Variants in RFX3 observed in about 807,000 individuals in gnomAD.
The protein encoded by RFX3 is regulatory factor X3.
RFX3 carries 14 observed loss-of-function variants against 98.6 expected under a neutral mutation model. The observed-to-expected ratio is 0.14, with a 90% CI of 0.09 to 0.22. RFX3 has a LOEUF of 0.22. Among genes scored for constraint, RFX3 ranks in the 10% least tolerant of loss-of-function variants. RFX3 has a pLI of 1.00. For missense variants in RFX3, 639 were observed against 926.9 expected, an observed-to-expected ratio of 0.69 and a Z score of 4.03; for synonymous variants, 383 against 328.4, an observed-to-expected ratio of 1.17 and a Z score of -1.80.
chr9:3,512,081 C>T (rs1209354368), intron 1 of RFX3, among the ~76,000 whole-genome samples: 2 of 151,772 alleles, frequency 1.3e-5, no homozygotes, highest in Non-Finnish European at 2.9e-5. Context: ...TTAACATGTA[C>T]CCATAAAAAC....
intron 2 of RFX3, among the ~76,000 whole-genome samples, chr9:3,394,279 T>TG (rs1449356924): frequency 1.3e-5 from 2 of 152,050 alleles, no homozygotes; most frequent in Non-Finnish European, 2.9e-5. Context: ...CTGGCTAACA[T>TG]GGTGAAACCC....
At chr9:3,465,723 T>C (rs990914188) in intron 1 of RFX3, among the ~76,000 whole-genome samples, 3 of 152,100 alleles carry the variant, frequency 2.0e-5, no homozygotes, top group Admixed American at 6.5e-5. Flanking sequence ...AGAGAAGGTA[T>C]GCAAACAGGG....
At chr9:3,266,107 C>A in intron 12 of RFX3, 101 bp downstream of exon 12, 1 of 611,600 alleles carries the variant, frequency 1.6e-6, no homozygotes, top group Non-Finnish European at 2.7e-6. Context: ...ATGTTATAAC[C>A]TCAACATTTT....
chr9:3,475,767 C>T (rs1254425339), intron 1 of RFX3, among the ~76,000 whole-genome samples: 1 of 152,166 alleles, frequency 6.6e-6, no homozygotes, highest in Non-Finnish European at 1.5e-5. Context: ...ACAGTCAGGC[C>T]TCCAGATAAC....
chr9:3,390,711 GCT>G (rs1840223231), intron 2 of RFX3, among the ~76,000 whole-genome samples: 2 of 152,014 alleles, frequency 1.3e-5, no homozygotes, highest in South Asian at 4.1e-4. Context: ...CCCTGCACAA[GCT>G]CTCTCTCTTT....
chr9:3,275,634 A>G, intron 8 of RFX3, 22 bp from the exon 9 acceptor site: 1 of 1,457,386 alleles, frequency 6.9e-7, no homozygotes, highest in Admixed American at 1.7e-5. Flanking sequence ...ACAACAGAAC[A>G]GAAAAAAGCT....
At chr9:3,382,764 C>G (rs1273451774) in intron 2 of RFX3, among the ~76,000 whole-genome samples, 2 of 152,062 alleles carry the variant, frequency 1.3e-5, no homozygotes, top group Middle Eastern at 3.4e-3. Context: ...TAGTAATTTT[C>G]AGGACAAGAG....
rs554186483 is a variant in RFX3, at chr9:3,358,280, A to G, written c.118-11516T>C. 2.8e-4 allele frequency among the ~76,000 whole-genome samples: 42 copies of G among 152,284 alleles called. No individual in the cohort carries two copies. In the South Asian group the frequency reaches 8.3e-3, roughly 30 times the overall value. On this transcript the variant is annotated intron_variant, in intron 2 of 16. Transcript: ENST00000617270. ...TGAATAACTGGTAAAATTATGAAAT[A>G]CTTCATAAACAAGAGTCTTGTCTTT...
rs1308095981 is a variant in RFX3, at chr9:3,222,102, T to A, written c.*2940A>T. ...TCAATTTGCTCAAATGTATAAATTG[T>A]TTTTATTTTCTTATATATTTTTCAC... On this transcript the variant is annotated 3_prime_UTR_variant, in exon 17 of 17. Coordinates refer to ENST00000617270, the MANE Select transcript of RFX3 (RefSeq NM_001282116.2). 3 of 152,160 alleles carry A rather than the reference T, an allele frequency of 2.0e-5. No individual in the cohort carries two copies. Among genetic ancestry groups the A allele is most frequent in the Non-Finnish European group, 4.4e-5 (3 of 67,992 alleles). 9.4% of individuals were successfully genotyped at this position (152,160 alleles called of 1,614,324 possible).
At chr9:3,465,905 A>G (rs568757807) in intron 1 of RFX3, among the ~76,000 whole-genome samples, 8 of 152,192 alleles carry the variant, frequency 5.3e-5, no homozygotes, top group Non-Finnish European at 8.8e-5. Flanking sequence ...GAAGGACAGC[A>G]TTCTTAGCAG....
Position 3,525,840 on chromosome 9 carries a change from G to GTAGT in RFX3, c.-106_-103dup. ...GAAGAGGAGGAGGAGGAGGAGAGGA[G>GTAGT]TAGTTGTTGTTGATGGGTAACAGTC... On this transcript the variant is annotated 5_prime_UTR_variant, in exon 1 of 17. Transcript: ENST00000617270. 1 of 978,754 alleles carries GTAGT rather than the reference G, an allele frequency of 1.0e-6. No homozygotes were observed. The highest frequency in any genetic ancestry group is 1.2e-6 in the Non-Finnish European group (1 of 823,206). 60.6% of individuals were successfully genotyped at this position (978,754 alleles called of 1,614,324 possible). A position where few individuals can be genotyped will look rare whatever the true frequency, so the allele number is the denominator to read the frequency against.
chr9:3,242,516 T>A (rs557996593), intron 15 of RFX3, among the ~76,000 whole-genome samples: 54 of 152,286 alleles, frequency 3.5e-4, no homozygotes, highest in African/African-American at 1.2e-3. Flanking sequence ...TATTCCCTAG[T>A]CACACTAGCA....
intron 15 of RFX3, among the ~76,000 whole-genome samples, chr9:3,231,955 C>T (rs992833993): frequency 6.6e-6 from 1 of 151,920 alleles, no homozygotes; most frequent in African/African-American, 2.4e-5. Context: ...ATCACTTGAA[C>T]CTGGGAGGCG....
intron 5 of RFX3, among the ~76,000 whole-genome samples, chr9:3,294,591 C>G (rs946848198): frequency 2.6e-5 from 4 of 151,990 alleles, no homozygotes; most frequent in African/African-American, 9.7e-5. Context: ...AACTTAGAAC[C>G]TGAATTTTCA....
chr9:3,277,485 A>G (rs1480788365), intron 7 of RFX3, 24 bp from the exon 8 acceptor site: 1 of 1,605,166 alleles, frequency 6.2e-7, no homozygotes, highest in African/African-American at 1.3e-5. Context: ...ATGGAAAAAA[A>G]CAAATAAACC....
At chr9:3,311,487 G>T (rs1213679378) in intron 4 of RFX3, among the ~76,000 whole-genome samples, 2 of 152,188 alleles carry the variant, frequency 1.3e-5, no homozygotes, top group Non-Finnish European at 2.9e-5. Context: ...ACAAAAGAAA[G>T]AACACTTCCC....
intron 2 of RFX3, among the ~76,000 whole-genome samples, chr9:3,354,907 A>G (rs1483844031): frequency 6.6e-6 from 1 of 151,872 alleles, no homozygotes; most frequent in Admixed American, 6.6e-5. Flanking sequence ...AAAAATAATA[A>G]CAATGCCTAG....
chr9:3,361,149 T>A (rs1836380429), intron 2 of RFX3, among the ~76,000 whole-genome samples: 1 of 152,158 alleles, frequency 6.6e-6, no homozygotes, highest in African/African-American at 2.4e-5. Flanking sequence ...CGGTAGAGGC[T>A]GCTATGTGAC....
At chr9:3,525,300 A>G (rs1039073539) in intron 1 of RFX3, among the ~76,000 whole-genome samples, 5 of 152,196 alleles carry the variant, frequency 3.3e-5, no homozygotes, top group African/African-American at 1.2e-4. Context: ...TTCGGCTTTG[A>G]AAGAAGCAGG....
Sources: gnomAD v4.1 joint callset for allele counts (sites outside exome capture counted in the v4.1 genomes callset) on GRCh38, gnomAD v4.1.1 for gene constraint, MANE v1.5 for transcripts, NCBI Gene and HGNC (gene_info 2026-07-23, HGNC 2026-07-21) for gene names.